The following MAF variants were observed in gnomAD, a reference collection of about 807,000 sequenced individuals.
MAF encodes the protein MAF bZIP transcription factor, also known as transcription factor Maf.
Under a neutral mutation model 22.0 loss-of-function variants are expected in MAF, and 10 were observed. That is an observed-to-expected ratio of 0.45 (90% CI 0.28 to 0.77). MAF has a LOEUF of 0.77. Ranked by LOEUF, MAF falls within the 30% of genes least tolerant of loss-of-function variation. The pLI is 0.12. For missense variants in MAF, 544 were observed against 548.4 expected, an observed-to-expected ratio of 0.99 and a Z score of 0.08; for synonymous variants, 337 against 255.8, an observed-to-expected ratio of 1.32 and a Z score of -3.03.
chr16:79,370,682 G>C, the MAF span, among the ~76,000 whole-genome samples: 20 of 152,260 alleles, frequency 1.3e-4, no homozygotes, highest in African/African-American at 4.8e-4. Context: ...AGTTCTGATT[G>C]TTGGTTTTAT....
chr16:79,373,697 G>A, the MAF span, among the ~76,000 whole-genome samples: 1 of 151,986 alleles, frequency 6.6e-6, no homozygotes. Flanking sequence ...CATAAGAAGA[G>A]GAAGAGAGAC....
At chr16:79,216,903 G>C in the MAF span, among the ~76,000 whole-genome samples, 2 of 151,968 alleles carry the variant, frequency 1.3e-5, no homozygotes, top group African/African-American at 4.8e-5. Context: ...GCCACCTCCG[G>C]GGTTCAAGAG....
the MAF span, among the ~76,000 whole-genome samples, chr16:79,565,692 C>T: frequency 6.6e-6 from 1 of 152,148 alleles, no homozygotes; most frequent in East Asian, 1.9e-4. Context: ...TTCCTGACGC[C>T]TCTCCAGCCA....
chr16:79,282,368 G>A, the MAF span, among the ~76,000 whole-genome samples: 1 of 152,118 alleles, frequency 6.6e-6, no homozygotes, highest in African/African-American at 2.4e-5. Flanking sequence ...TTAACTTTGT[G>A]ATCATAAAAA....
At chr16:79,524,549 G>A in the MAF span, among the ~76,000 whole-genome samples, 1 of 152,200 alleles carries the variant, frequency 6.6e-6, no homozygotes, top group East Asian at 1.9e-4. Context: ...CAGAACAAGA[G>A]TGTTTTACCC....
At chr16:79,480,558 T>A in the MAF span, among the ~76,000 whole-genome samples, 1 of 152,052 alleles carries the variant, frequency 6.6e-6, no homozygotes, top group African/African-American at 2.4e-5. Context: ...AACATCCAAG[T>A]GCAGTGCTCT....
the MAF span, among the ~76,000 whole-genome samples, chr16:79,221,335 A>G: frequency 6.6e-6 from 1 of 152,304 alleles, no homozygotes; most frequent in South Asian, 2.1e-4. Context: ...CCTCCCTGGG[A>G]AAAAATTCAG....
chr16:79,448,108 G>T, the MAF span, among the ~76,000 whole-genome samples: 89 of 152,116 alleles, frequency 5.9e-4, no homozygotes, highest in Non-Finnish European at 8.7e-4. Context: ...CAGCAGCAGC[G>T]TTTGAGAGGT....
the MAF span, among the ~76,000 whole-genome samples, chr16:79,220,924 A>AT: frequency 6.6e-6 from 1 of 152,234 alleles, no homozygotes; most frequent in African/African-American, 2.4e-5. Context: ...GGGAGATGCC[A>AT]TTAAAGTTCC....
chr16:79,452,601 T>G, the MAF span, among the ~76,000 whole-genome samples: 1 of 152,194 alleles, frequency 6.6e-6, no homozygotes, highest in Non-Finnish European at 1.5e-5. Context: ...CTTGGTGATT[T>G]GAAAAATGTG....
chr16:79,446,536 G>T, the MAF span, among the ~76,000 whole-genome samples: 1 of 152,108 alleles, frequency 6.6e-6, no homozygotes, highest in South Asian at 2.1e-4. Flanking sequence ...AAAGATAAAG[G>T]TTTGAAAATG....
chr16:79,455,772 C>T, the MAF span, among the ~76,000 whole-genome samples: 2 of 152,328 alleles, frequency 1.3e-5, no homozygotes, highest in Non-Finnish European at 2.9e-5. Context: ...AATCCCAACA[C>T]TTTGGGGGAC....
At chr16:79,325,468 C>T in the MAF span, among the ~76,000 whole-genome samples, 1 of 152,242 alleles carries the variant, frequency 6.6e-6, no homozygotes, top group African/African-American at 2.4e-5. Context: ...GAGGAAGCAA[C>T]TGGCTCAGGG....
In MAF at chr16:79,599,075, C is replaced by A; in HGVS notation, c.828G>T (p.Arg276=). The change falls in exon 1 of 2, where the codon CGG becomes CGT. Residue 276 remains arginine (R), a synonymous_variant. Coordinates refer to ENST00000326043, the MANE Select transcript of MAF (RefSeq NM_005360.5). ...CCTCCTTGCTGACCCCGCGCAGCTG[C>A]CGGTTCAGCTCGCGCACAGACATGG... The part of the protein sequence containing the change: ...LVTMSVRELN[R]QLRGVSKEEV... The A allele has an allele frequency of 6.2e-7, 1 of 1,610,594 alleles. No homozygotes were observed. Among genetic ancestry groups the A allele is most frequent in the Non-Finnish European group, 8.5e-7 (1 of 1,179,726 alleles).
the MAF span, among the ~76,000 whole-genome samples, chr16:79,257,630 T>C: frequency 2.4e-4 from 36 of 152,196 alleles, no homozygotes; most frequent in African/African-American, 8.7e-4. Context: ...CTCTGTGCCT[T>C]GGGCATCTCA....
At chr16:79,533,815 T>A in the MAF span, among the ~76,000 whole-genome samples, 14 of 152,314 alleles carry the variant, frequency 9.2e-5, no homozygotes, top group South Asian at 2.5e-3. Context: ...AATTTTCTTA[T>A]CCAGTGATGT....
chr16:79,507,129 T>TG, the MAF span, among the ~76,000 whole-genome samples: 1 of 151,824 alleles, frequency 6.6e-6, no homozygotes, highest in African/African-American at 2.4e-5. Flanking sequence ...TTTTTTTTTT[T>TG]TTGAGATGGA....
At chr16:79,317,074 T>C in the MAF span, among the ~76,000 whole-genome samples, 6 of 152,138 alleles carry the variant, frequency 3.9e-5, no homozygotes, top group African/African-American at 1.4e-4. Context: ...CCCTGGATTT[T>C]TTGTTTCTCT....
At chr16:79,287,294 C>A in the MAF span, among the ~76,000 whole-genome samples, 11 of 152,212 alleles carry the variant, frequency 7.2e-5, no homozygotes, top group Non-Finnish European at 1.6e-4. Context: ...CGCTCCCAGC[C>A]CAGCTGCTGT....
Sources: allele counts gnomAD v4.1 joint callset (sites outside exome capture counted in the v4.1 genomes callset), GRCh38; gene constraint gnomAD v4.1.1; transcripts MANE v1.5; gene names NCBI Gene and HGNC (gene_info 2026-07-23, HGNC 2026-07-21).